The following WWOX variants were observed in gnomAD, a reference collection of about 807,000 sequenced individuals.
WWOX encodes the protein WW domain containing oxidoreductase, also known as WW domain-containing oxidoreductase.
A neutral mutation model predicts 46.2 loss-of-function variants in WWOX; 69 were observed. The ratio of observed to expected loss-of-function variants is 1.49; its 90% confidence interval spans 1.23 to 1.82. The LOEUF (loss-of-function observed/expected upper bound fraction) is 1.82, where lower values mean the gene tolerates loss of function less well. Ranked by LOEUF, WWOX falls within the 40% of genes most tolerant of loss-of-function variation. WWOX has a pLI of 0.00. For synonymous variants in WWOX, 359 were observed against 202.6 expected, an observed-to-expected ratio of 1.77 and a Z score of -6.56; for missense variants, 919 against 542.6, an observed-to-expected ratio of 1.69 and a Z score of -6.89.
At chr16:78,689,076 T>G (rs12185163) in intron 8 of WWOX, among the ~76,000 whole-genome samples, 54,480 of 151,716 alleles carry the variant, frequency 0.36, 10,426 homozygotes, top group African/African-American at 0.42. Context: ...CAGGCTTGCA[T>G]ATGTCTTTAT....
At chr16:78,568,343 C>G (rs1282423906) in intron 8 of WWOX, among the ~76,000 whole-genome samples, 3 of 151,980 alleles carry the variant, frequency 2.0e-5, no homozygotes, top group Non-Finnish European at 4.4e-5. Flanking sequence ...GAAGAAAAAT[C>G]CACCCAGTGC....
intron 5 of WWOX, among the ~76,000 whole-genome samples, chr16:78,378,156 G>C (rs1039322942): frequency 6.6e-6 from 1 of 151,412 alleles, no homozygotes; most frequent in Non-Finnish European, 1.5e-5. Context: ...CCAGGGCTTT[G>C]CTAGGGATCA....
chr16:78,896,626 A>T (rs1167667876), intron 8 of WWOX: 1 of 152,180 alleles, frequency 6.6e-6, no homozygotes, highest in Non-Finnish European at 1.5e-5. Flanking sequence ...TCAGATAGTA[A>T]TTAGTAAACA....
At chr16:78,996,967 C>T (rs1021826505) in intron 8 of WWOX, among the ~76,000 whole-genome samples, 14 of 152,232 alleles carry the variant, frequency 9.2e-5, no homozygotes, top group Non-Finnish European at 1.9e-4. Flanking sequence ...GGGCGAGGTG[C>T]GGATCTTTTC....
chr16:78,186,490 G>A (rs1597325906), intron 5 of WWOX, among the ~76,000 whole-genome samples: 2 of 152,354 alleles, frequency 1.3e-5, no homozygotes, highest in East Asian at 3.9e-4. Context: ...TATGCCAGAT[G>A]CAGTGCCTCA....
At chr16:78,907,184 C>A (rs1385046365) in intron 8 of WWOX, among the ~76,000 whole-genome samples, 4 of 151,894 alleles carry the variant, frequency 2.6e-5, no homozygotes, top group Admixed American at 6.6e-5. Context: ...GCTGTGGATG[C>A]AATCATAGGG....
Position 79,181,675 on chromosome 16 carries a change from G to A in WWOX, c.1057-29933G>A, listed in dbSNP as rs141993916. 3.8e-3 allele frequency among the ~76,000 whole-genome samples: 576 copies of A among 152,154 alleles called. 2 individuals carry two copies. Among genetic ancestry groups the A allele is most frequent in the African/African-American group, 0.014 (567 of 41,498 alleles). ...CCAGTTCTTTGCTTTGATAAATAAT[G>A]CTGAGATGAACATCTTTCTGCATGG... On this transcript the variant is annotated intron_variant, in intron 8 of 8. Coordinates refer to ENST00000566780, the MANE Select transcript of WWOX (RefSeq NM_016373.4).
chr16:78,791,390 G>T (rs1597615666), intron 8 of WWOX, among the ~76,000 whole-genome samples: 2 of 152,182 alleles, frequency 1.3e-5, no homozygotes, highest in South Asian at 4.1e-4. Context: ...ATCTGAGACT[G>T]GCATGGGCAG....
intron 6 of WWOX, among the ~76,000 whole-genome samples, chr16:78,419,311 C>T (rs994413230): frequency 6.6e-6 from 1 of 151,964 alleles, no homozygotes; most frequent in Non-Finnish European, 1.5e-5. Context: ...TATATGAATG[C>T]AAAGGAACCT....
intron 6 of WWOX, among the ~76,000 whole-genome samples, chr16:78,408,479 A>G (rs1006706164): frequency 6.6e-6 from 1 of 151,808 alleles, no homozygotes; most frequent in Non-Finnish European, 1.5e-5. Context: ...GGCTCCACTC[A>G]CTCTCCATTG....
chr16:78,494,165 A>T (rs2084853713), intron 8 of WWOX, among the ~76,000 whole-genome samples: 1 of 152,178 alleles, frequency 6.6e-6, no homozygotes, highest in Non-Finnish European at 1.5e-5. Context: ...GAGGTGCTAG[A>T]TGCTTTTAAA....
At chr16:79,116,727 C>T (rs987696026) in intron 8 of WWOX, among the ~76,000 whole-genome samples, 8 of 151,980 alleles carry the variant, frequency 5.3e-5, no homozygotes, top group African/African-American at 1.9e-4. Context: ...TAAACTTCTT[C>T]CAAACTCTTG....
chr16:78,638,830 A>T (rs2046636846), intron 8 of WWOX, among the ~76,000 whole-genome samples: 1 of 152,176 alleles, frequency 6.6e-6, no homozygotes, highest in Non-Finnish European at 1.5e-5. Flanking sequence ...TCACAGTTGT[A>T]GCTCCTGTGA....
chr16:78,882,178 A>C (rs1460489883), intron 8 of WWOX, among the ~76,000 whole-genome samples: 1 of 152,170 alleles, frequency 6.6e-6, no homozygotes, highest in African/African-American at 2.4e-5. Flanking sequence ...TTTGTGACTT[A>C]TTTTTAATTA....
At chr16:78,789,555 G>T (rs1406676933) in intron 8 of WWOX, among the ~76,000 whole-genome samples, 1 of 151,906 alleles carries the variant, frequency 6.6e-6, no homozygotes, top group African/African-American at 2.4e-5. Flanking sequence ...ACTGTACTCT[G>T]TGTAAGTTTT....
chr16:78,905,507 G>A (rs1482447310), intron 8 of WWOX, among the ~76,000 whole-genome samples: 1 of 152,236 alleles, frequency 6.6e-6, no homozygotes, highest in Admixed American at 6.5e-5. Context: ...TCAGCCTCCT[G>A]TGTAGTGGAG....
intron 8 of WWOX, among the ~76,000 whole-genome samples, chr16:79,123,637 C>CTCCA (rs928987954): frequency 6.6e-6 from 1 of 152,148 alleles, no homozygotes; most frequent in African/African-American, 2.4e-5. Flanking sequence ...GACCCCAAGG[C>CTCCA]TCCAGGCTTT....
intron 8 of WWOX, among the ~76,000 whole-genome samples, chr16:78,879,185 T>C (rs1249033240): frequency 6.6e-6 from 1 of 152,140 alleles, no homozygotes; most frequent in African/African-American, 2.4e-5. Context: ...AGCTCATCTT[T>C]CACGGTCATA....
At chr16:79,147,151 A>G (rs183950300) in intron 8 of WWOX, among the ~76,000 whole-genome samples, 1 of 152,254 alleles carries the variant, frequency 6.6e-6, no homozygotes, top group African/African-American at 2.4e-5. Flanking sequence ...AGTGTCATCA[A>G]ATGTGTAGCT....
Sources: gnomAD v4.1 joint callset for allele counts (sites outside exome capture counted in the v4.1 genomes callset) on GRCh38, gnomAD v4.1.1 for gene constraint, MANE v1.5 for transcripts, NCBI Gene and HGNC (gene_info 2026-07-23, HGNC 2026-07-21) for gene names.